Variants in DOCK11 observed in about 807,000 individuals in gnomAD.
DOCK11 encodes the protein dedicator of cytokinesis protein 11.
Under a neutral mutation model 169.1 loss-of-function variants are expected in DOCK11, and 70 were observed. The ratio of observed to expected loss-of-function variants is 0.41; its 90% CI spans 0.34 to 0.51. The LOEUF (loss-of-function observed/expected upper bound fraction) is 0.51. Ranked by LOEUF, DOCK11 falls within the 20% of genes least tolerant of loss-of-function variation. DOCK11 has a pLI of 0.10. For missense variants in DOCK11, 1,166 were observed against 1,538.8 expected (o/e 0.76, Z 4.05); for synonymous variants, 529 against 541.3 (o/e 0.98, Z 0.32).
At chrX:118,572,871 A>G (rs1411711524) in intron 11 of DOCK11, among the ~76,000 whole-genome samples, 1 of 111,720 alleles carries the variant, frequency 9.0e-6, no homozygotes, top group African/African-American at 3.2e-5. Flanking sequence ...TGTCTCCCAA[A>G]CTTGCAAAAT....
chrX:118,560,895 T>C (rs1478509238), intron 6 of DOCK11, among the ~76,000 whole-genome samples: 1 of 112,039 alleles, frequency 8.9e-6, no homozygotes. Flanking sequence ...GTGAGTGCCC[T>C]GTAAATTGGA....
At chrX:118,562,665 G>A (rs1050825294) in intron 7 of DOCK11, among the ~76,000 whole-genome samples, 2 of 111,718 alleles carry the variant, frequency 1.8e-5, no homozygotes, top group Non-Finnish European at 3.8e-5. Flanking sequence ...ATTCTAAAGC[G>A]TTGCACACAT....
intron 1 of DOCK11, among the ~76,000 whole-genome samples, chrX:118,516,037 A>T (rs2057683462): frequency 1.2e-5 from 1 of 81,601 alleles, no homozygotes; most frequent in Admixed American, 1.3e-4. Context: ...ACACCAGAAA[A>T]CTGTGCAGTC....
rs2015051186 is a variant in DOCK11, at chrX:118,624,592, G to A, written c.3525G>A (p.Leu1175=). 7 of 1,209,780 alleles carry A rather than the reference G, an allele frequency of 5.8e-6. No homozygotes were observed. The highest frequency in any genetic ancestry group is 2.3e-4 in the Middle Eastern group (1 of 4,355). ...QLYLPFVGLL[L]ENIQRLAGRD... is the part of the protein sequence containing the mutation. ...ACCTCCCCTTTGTTGGACTACTTTTGGAAAATATACAGCGATTAGCAGGTC... is the reference window on the plus strand; with the variant it reads ...ACCTCCCCTTTGTTGGACTACTTTTAGAAAATATACAGCGATTAGCAGGTC... The change falls in exon 32 of 53, where the codon TTG becomes TTA. Residue 1175 remains leucine, a synonymous_variant. Coordinates refer to ENST00000276202, the MANE Select transcript of DOCK11 (RefSeq NM_144658.4).
At chrX:118,518,865 G>A (rs1378783289) in intron 1 of DOCK11, among the ~76,000 whole-genome samples, 1 of 111,749 alleles carries the variant, frequency 8.9e-6, no homozygotes, top group African/African-American at 3.3e-5. Context: ...CTGAGCCTGT[G>A]TTGGGGCAGG....
Position 118,655,431 on chromosome X carries a change from C to A in DOCK11, c.4969+470C>A, listed in dbSNP as rs749898529. On this transcript the variant is annotated intron_variant, in intron 44 of 52. Coordinates refer to ENST00000276202, the MANE Select transcript of DOCK11 (RefSeq NM_144658.4). ...ATTAAACTCTTCTCAAGGCTCAAGT[C>A]GGGATAACACAGATTATTTGTTTCC... Among the ~76,000 whole-genome samples the A allele has an allele frequency of 1.6e-4, 18 of 112,049 alleles. No individual in the cohort carries two copies. The South Asian group carries it at 6.4e-3, about 40-fold the overall frequency.
intron 41 of DOCK11, among the ~76,000 whole-genome samples, 175 bp from the exon 42 acceptor site, chrX:118,651,789 C>T (rs762537041): frequency 8.9e-6 from 1 of 111,934 alleles, no homozygotes; most frequent in Non-Finnish European, 1.9e-5. Context: ...TTTCAAGTTA[C>T]TATTTCAGCA....
intron 46 of DOCK11, among the ~76,000 whole-genome samples, chrX:118,672,030 A>G (rs1603184021): frequency 8.9e-6 from 1 of 112,333 alleles, no homozygotes; most frequent in South Asian, 3.6e-4. Flanking sequence ...AGCGTAAAAT[A>G]ATCAGTGTTG....
chrX:118,685,638 G>T (rs2016841087), intron 52 of DOCK11, 50 bp from the exon 53 acceptor site: 7 of 1,170,455 alleles, frequency 6.0e-6, no homozygotes, highest in East Asian at 3.0e-5. Context: ...TCTTTTTTTG[G>T]CAGTGGCTAT....
At chrX:118,514,675 T>C (rs1396735242) in intron 1 of DOCK11, among the ~76,000 whole-genome samples, 2 of 111,912 alleles carry the variant, frequency 1.8e-5, no homozygotes, top group Non-Finnish European at 3.8e-5. Flanking sequence ...ACCATCACAC[T>C]TTTTCAAACA....
intron 1 of DOCK11, among the ~76,000 whole-genome samples, chrX:118,507,765 T>C (rs144528119): frequency 0.013 from 1,440 of 112,012 alleles, 18 homozygotes; most frequent in South Asian, 0.052. Context: ...TGAACACATA[T>C]CACATAGTCA....
chrX:118,512,101 C>T (rs1348159995), intron 1 of DOCK11, among the ~76,000 whole-genome samples: 1 of 111,455 alleles, frequency 9.0e-6, no homozygotes, highest in Admixed American at 9.5e-5. Flanking sequence ...AGGGTTTCAC[C>T]GTGTTGCCCA....
chrX:118,603,215 C>T (rs981044648), intron 23 of DOCK11, among the ~76,000 whole-genome samples: 5 of 112,572 alleles, frequency 4.4e-5, no homozygotes, highest in Non-Finnish European at 7.5e-5. Context: ...AATAAAAGAC[C>T]GTGTAGCTAT....
At chrX:118,511,030 T>C (rs2057648080) in intron 1 of DOCK11, among the ~76,000 whole-genome samples, 1 of 112,346 alleles carries the variant, frequency 8.9e-6, no homozygotes. Flanking sequence ...ATGATGTCCA[T>C]GATGTGTCTG....
intron 44 of DOCK11, 114 bp downstream of exon 44, chrX:118,655,075 C>T: frequency 1.4e-6 from 1 of 697,360 alleles, no homozygotes; most frequent in Non-Finnish European, 2.1e-6. Flanking sequence ...ATATGTTCAC[C>T]CTTGGCCTTA....
intron 6 of DOCK11, among the ~76,000 whole-genome samples, chrX:118,552,387 AAG>A (rs1383415849): frequency 8.9e-6 from 1 of 111,862 alleles, no homozygotes; most frequent in Non-Finnish European, 1.9e-5. Flanking sequence ...CTGTAGGGAA[AAG>A]AGGGGCTAGT....
intron 1 of DOCK11, among the ~76,000 whole-genome samples, chrX:118,512,518 T>C (rs1386546201): frequency 8.9e-6 from 1 of 112,035 alleles, no homozygotes; most frequent in Non-Finnish European, 1.9e-5. Context: ...ACAGTGCATA[T>C]ACTGTCAACT....
intron 21 of DOCK11, among the ~76,000 whole-genome samples, chrX:118,597,797 AAATT>A (rs2014215069): frequency 8.9e-6 from 1 of 111,862 alleles, no homozygotes; most frequent in African/African-American, 3.2e-5. Flanking sequence ...TAATTTTAAA[AAATT>A]ATTTAAGTAA....
intron 23 of DOCK11, among the ~76,000 whole-genome samples, chrX:118,600,885 A>T (rs1371237953): frequency 9.0e-6 from 1 of 111,018 alleles, no homozygotes; most frequent in Non-Finnish European, 1.9e-5. Context: ...ACAGAGTGAT[A>T]GGACATTACC....
Sources: gnomAD v4.1 joint callset for allele counts (sites outside exome capture counted in the v4.1 genomes callset) on GRCh38, gnomAD v4.1.1 for gene constraint, MANE v1.5 for transcripts, NCBI Gene and HGNC (gene_info 2026-07-23, HGNC 2026-07-21) for gene names.